Variants in MAP3K21 observed in about 807,000 individuals in gnomAD.
MAP3K21 encodes the protein mitogen-activated protein kinase kinase kinase MLK4.
MAP3K21 carries 63 observed loss-of-function variants against 86.1 expected under a neutral mutation model. That is an observed-to-expected ratio of 0.73 (90% CI 0.60 to 0.90). MAP3K21 has a LOEUF of 0.90. Among genes scored for constraint, MAP3K21 ranks in the 40% least tolerant of loss-of-function variants. MAP3K21 has a pLI of 0.00. For synonymous variants in MAP3K21, 558 were observed against 564.8 expected (o/e 0.99, Z 0.17); for missense variants, 1,220 against 1,367.7 (o/e 0.89, Z 1.70).
chr1:233,340,949 T>A (rs545936980), intron 1 of MAP3K21, among the ~76,000 whole-genome samples: 4 of 152,322 alleles, frequency 2.6e-5, no homozygotes, highest in Admixed American at 1.3e-4. Context: ...ATTGCTTTTT[T>A]AAAAATATAC....
At chr1:233,339,950 A>G (rs1266879347) in intron 1 of MAP3K21, among the ~76,000 whole-genome samples, 4 of 152,154 alleles carry the variant, frequency 2.6e-5, no homozygotes, top group Non-Finnish European at 5.9e-5. Context: ...TAATTTCCTC[A>G]TTCATTCAGC....
intron 3 of MAP3K21, among the ~76,000 whole-genome samples, 181 bp downstream of exon 3, chr1:233,354,136 G>T (rs563576818): frequency 1.1e-4 from 17 of 152,164 alleles, no homozygotes; most frequent in Non-Finnish European, 2.1e-4. Flanking sequence ...AAGTTTTGAA[G>T]AACTAAGTAG....
In MAP3K21 at chr1:233,339,331, CTCT is replaced by C. The variant is rs1344483625; in HGVS notation, c.806-7104_806-7102del. ...CTTCTTCTTCCTCTTCTTCTTCTTC[CTCT>C]TCTTCTCCCTCTTCTCCCTCTTCTC... On this transcript the variant is annotated intron_variant, in intron 1 of 9. Coordinates refer to ENST00000366624, the MANE Select transcript of MAP3K21 (RefSeq NM_032435.3). Among the ~76,000 whole-genome samples the C allele has an allele frequency of 8.4e-3, 826 of 98,568 alleles. 158 individuals carry two copies. The highest frequency in any genetic ancestry group is 0.02 in the East Asian group (59 of 2,914). 64.7% of individuals were successfully genotyped at this position (98,568 alleles called of 152,430 possible).
intron 3 of MAP3K21, among the ~76,000 whole-genome samples, chr1:233,354,354 T>C (rs1462221248): frequency 6.6e-6 from 1 of 152,240 alleles, no homozygotes; most frequent in African/African-American, 2.4e-5. Flanking sequence ...ATTTTATCCT[T>C]ATCTTTAAAA....
chr1:233,379,351 C>T lies in MAP3K21; in HGVS notation c.2345C>T (p.Ser782Phe), dbSNP rs1663861606. 1 of 1,614,090 alleles carries T rather than the reference C, an allele frequency of 6.2e-7. No individual in the cohort carries two copies. Among genetic ancestry groups the T allele is most frequent in the Non-Finnish European group, 8.5e-7 (1 of 1,180,036 alleles). Residue 782 changes from serine (S) to phenylalanine (F), a missense_variant, in exon 9 of 10, where the codon TCC becomes TTC. By Grantham distance (155) the Ser-to-Phe change is radical. Transcript: ENST00000366624. Reference sequence around the variant, plus strand: ...GCCAGTCCTCCCACAAGCCTGCCATCCACCTGTGGGGAGGCCAGCAGCCCA... The same window carrying T: ...GCCAGTCCTCCCACAAGCCTGCCATTCACCTGTGGGGAGGCCAGCAGCCCA... ...RSASPPTSLP[S>F]TCGEASSPPS... is the part of the protein sequence containing the mutation.
chr1:233,351,416 G>A (rs1558455346), intron 2 of MAP3K21, among the ~76,000 whole-genome samples: 1 of 152,180 alleles, frequency 6.6e-6, no homozygotes, highest in Non-Finnish European at 1.5e-5. Context: ...CTTGTTAGTG[G>A]AGAAATAGCT....
chr1:233,349,847 G>A (rs2102765012), intron 2 of MAP3K21, among the ~76,000 whole-genome samples: 1 of 151,904 alleles, frequency 6.6e-6, no homozygotes, highest in East Asian at 1.9e-4. Flanking sequence ...TGAGGCTGGA[G>A]AATCACTTGA....
intron 2 of MAP3K21, among the ~76,000 whole-genome samples, chr1:233,348,070 C>A (rs989883125): frequency 1.3e-5 from 2 of 152,084 alleles, no homozygotes; most frequent in African/African-American, 4.8e-5. Flanking sequence ...AGTTGTGTGT[C>A]CATCATCCCA....
chr1:233,352,074 G>C (rs1448840894), intron 2 of MAP3K21, among the ~76,000 whole-genome samples: 1 of 152,040 alleles, frequency 6.6e-6, no homozygotes, highest in Non-Finnish European at 1.5e-5. Context: ...TTTTTTTAGA[G>C]ACGAGTTTTA....
intron 2 of MAP3K21, among the ~76,000 whole-genome samples, chr1:233,351,981 CG>C (rs1287103917): frequency 3.3e-5 from 5 of 152,106 alleles, no homozygotes; most frequent in African/African-American, 7.2e-5. Context: ...CTCATCCACA[CG>C]GGCCCAAGTG....
At chr1:233,358,964 C>T (rs1172665245) in intron 4 of MAP3K21, among the ~76,000 whole-genome samples, 1 of 152,030 alleles carries the variant, frequency 6.6e-6, no homozygotes, top group African/African-American at 2.4e-5. Flanking sequence ...CGCCCACCAC[C>T]ACACCCGGCT....
chr1:233,364,132 C>T (rs1335219151), intron 5 of MAP3K21, among the ~76,000 whole-genome samples: 2 of 152,092 alleles, frequency 1.3e-5, no homozygotes, highest in East Asian at 3.9e-4. Flanking sequence ...GGATCCTTAT[C>T]ACTTTTACCT....
intron 2 of MAP3K21, 129 bp downstream of exon 2, chr1:233,346,751 A>G (rs1435556991): frequency 2.5e-6 from 2 of 789,168 alleles, no homozygotes; most frequent in Non-Finnish European, 4.1e-6. Flanking sequence ...TATGGTTTTG[A>G]TCAAAATAAT....
At position 233,345,726 on chromosome 1, in the gene MAP3K21, TATAATA is replaced by T. The variant is rs72300159; in HGVS notation, c.806-684_806-679del. Among the ~76,000 whole-genome samples the T allele has an allele frequency of 3.2e-3, 469 of 146,300 alleles. 4 individuals carry two copies. Among genetic ancestry groups the T allele is most frequent in the South Asian group, 0.021 (96 of 4,562 alleles). ...TGCACATGTACCCTAGAACTCAAAG[TATAATA>T]ATAATAATAATAATAATAATAATAA... On this transcript the variant is annotated intron_variant, in intron 1 of 9. Coordinates refer to ENST00000366624, the MANE Select transcript of MAP3K21 (RefSeq NM_032435.3).
rs1019632774 is a variant in MAP3K21 at position 233,354,927 on chromosome 1, G to T, written c.1227G>T (p.Met409Ile). The change falls in exon 4 of 10, where the codon ATG becomes ATT. Residue 409 changes from methionine (M) to isoleucine (I), a missense_variant. Physicochemically the swap from Met to Ile is conservative, Grantham distance 10. This residue lies in a region of MAP3K21 where 126 missense variants were observed against 127.7 expected (regional missense o/e 0.99). Transcript: ENST00000366624. ...TTGAAGGGGCAGTGATGACTGAGAT[G>T]CCTCAAGAATCTTTTCATTCCATGC... ...TAIEGAVMTEMPQESFHSMQD... is the reference protein window; with the variant it reads ...TAIEGAVMTEIPQESFHSMQD... 5 of 1,613,774 alleles carry T rather than the reference G, an allele frequency of 3.1e-6. No homozygotes were observed. Among genetic ancestry groups the T allele is most frequent in the African/African-American group, 1.3e-5 (1 of 74,926 alleles).
Position 233,346,515 on chromosome 1 carries a change from G to A in MAP3K21, c.879G>A (p.Ala293=), listed in dbSNP as rs1209595199. 11 of 1,613,700 alleles carry A rather than the reference G, an allele frequency of 6.8e-6. No homozygotes were observed. Among genetic ancestry groups the A allele is most frequent in the East Asian group, 2.2e-5 (1 of 44,884 alleles). The change falls in exon 2 of 10, where the codon GCG becomes GCA. Residue 293 remains alanine (A), a synonymous_variant. Transcript: ENST00000366624. ...TGAAGATTACAGATTTTGGGTTGGC[G>A]AGGGAATGGCACAGGACCACCAAAA... is the stretch of plus-strand genomic sequence containing the variant. The part of the protein sequence containing the change: ...KTLKITDFGL[A]REWHRTTKMS...
In MAP3K21 at chr1:233,362,259, G is replaced by T; in HGVS notation, c.1518G>T (p.Lys506Asn). The T allele has an allele frequency of 6.2e-7, 1 of 1,614,220 alleles. No individual in the cohort carries two copies. Among genetic ancestry groups the T allele is most frequent in the South Asian group, 1.1e-5 (1 of 91,086 alleles). ...RKGKFKRSRL[K>N]LKDGHRISLP... ...GCAAGTTTAAGAGAAGTCGTTTAAA[G>T]CTCAAAGATGGACATCGAATCAGTT... The change falls in exon 5 of 10, where the codon AAG becomes AAT. Residue 506 changes from lysine (K) to asparagine (N), a missense_variant. Around this residue, in one of 5 missense-constraint regions of MAP3K21, gnomAD observed 632 missense variants for 691.3 expected, o/e 0.91. Coordinates refer to ENST00000366624, the MANE Select transcript of MAP3K21 (RefSeq NM_032435.3).
intron 1 of MAP3K21, among the ~76,000 whole-genome samples, chr1:233,338,266 CT>C (rs1285522209): frequency 6.6e-6 from 1 of 152,136 alleles, no homozygotes; most frequent in African/African-American, 2.4e-5. Flanking sequence ...AGAAGCCTGT[CT>C]TCTTGTATTT....
chr1:233,373,960 T>G (rs1035315246), intron 6 of MAP3K21: 1 of 152,140 alleles, frequency 6.6e-6, no homozygotes, highest in Non-Finnish European at 1.5e-5. Context: ...GCCGAGAGTG[T>G]AGATAGCTCT....
Sources: gnomAD v4.1 joint callset for allele counts (sites outside exome capture counted in the v4.1 genomes callset) on GRCh38, gnomAD v4.1.1 for gene constraint, gnomAD v4.1.1 regional missense constraint, MANE v1.5 for transcripts, NCBI Gene and HGNC (gene_info 2026-07-23, HGNC 2026-07-21) for gene names.